LRRIQ1: variants seen among roughly 807,000 people sequenced by gnomAD.
The protein encoded by LRRIQ1 is leucine-rich repeat- and IQ domain-containing protein 1.
Under a neutral mutation model 211.9 loss-of-function variants are expected in LRRIQ1, and 210 were observed. The ratio of observed to expected loss-of-function variants is 0.99; its 90% confidence interval spans 0.89 to 1.11. The LOEUF (loss-of-function observed/expected upper bound fraction) is 1.11, where lower values mean the gene tolerates loss of function less well. LRRIQ1 is among the 50% of genes most tolerant of loss of function. The pLI, the probability that LRRIQ1 is intolerant of heterozygous loss-of-function variation, is 0.00. For missense variants in LRRIQ1, 2,136 were observed against 1,939.5 expected (o/e 1.10, Z -1.90); for synonymous variants, 699 against 650.1 (o/e 1.08, Z -1.14).
At chr12:85,197,184 G>A (rs1358908714) in intron 24 of LRRIQ1, among the ~76,000 whole-genome samples, 1 of 152,168 alleles carries the variant, frequency 6.6e-6, no homozygotes, top group Non-Finnish European at 1.5e-5. Context: ...AACAACAGGT[G>A]CTGGAGAGGA....
At chr12:85,098,663 T>C (rs1297187089) in intron 12 of LRRIQ1, 115 bp downstream of exon 12, 2 of 859,038 alleles carry the variant, frequency 2.3e-6, no homozygotes, top group Non-Finnish European at 3.5e-6. Context: ...TTTTTCACCA[T>C]GAAGTAACCT....
intron 10 of LRRIQ1, among the ~76,000 whole-genome samples, chr12:85,070,168 A>C (rs921827065): frequency 1.3e-5 from 2 of 151,956 alleles, no homozygotes; most frequent in Admixed American, 1.3e-4. Context: ...CTTTGGCGGG[A>C]ATTCTTCATA....
intron 14 of LRRIQ1, among the ~76,000 whole-genome samples, chr12:85,105,031 G>A (rs966075279): frequency 3.8e-4 from 58 of 151,976 alleles, no homozygotes; most frequent in African/African-American, 1.4e-3. Context: ...GTTTATTGGT[G>A]ATTTTTGCAC....
intron 11 of LRRIQ1, among the ~76,000 whole-genome samples, chr12:85,074,168 A>C (rs527940927): frequency 6.6e-6 from 1 of 152,088 alleles, no homozygotes; most frequent in Admixed American, 6.6e-5. Flanking sequence ...GTGAATGAGA[A>C]TAGTGAATGT....
chr12:85,207,394 T>G (rs1484220036), intron 24 of LRRIQ1, among the ~76,000 whole-genome samples: 2 of 152,114 alleles, frequency 1.3e-5, no homozygotes, highest in Admixed American at 1.3e-4. Context: ...TATTATTGAG[T>G]TTTAAGAGTA....
At position 85,137,832 on chromosome 12, in the gene LRRIQ1, C is replaced by G. The variant is rs1394647268; in HGVS notation, c.4210-18C>G. The G allele has an allele frequency of 6.4e-7, 1 of 1,569,248 alleles. No homozygotes were observed. The highest frequency in any genetic ancestry group is 8.6e-7 in the Non-Finnish European group (1 of 1,162,878). The stretch of plus-strand genomic sequence containing the variant: ...TTGATCTATAACTTTGTATAACATA[C>G]TTTACATTTTTGTTTAGGCAGTTTG... On this transcript the variant is annotated intron_variant, in intron 18 of 26. Transcript: ENST00000393217.
At chr12:85,228,469 G>A (rs1272433389) in intron 24 of LRRIQ1, among the ~76,000 whole-genome samples, 1 of 152,134 alleles carries the variant, frequency 6.6e-6, no homozygotes, top group Non-Finnish European at 1.5e-5. Context: ...GAAACATAAG[G>A]TCGCATAAGA....
intron 11 of LRRIQ1, among the ~76,000 whole-genome samples, chr12:85,097,575 A>G (rs1885998614): frequency 6.6e-6 from 1 of 152,172 alleles, no homozygotes; most frequent in East Asian, 1.9e-4. Flanking sequence ...ATGTCCCTAC[A>G]AAGGACATGA....
intron 24 of LRRIQ1, among the ~76,000 whole-genome samples, chr12:85,225,836 G>C (rs1365196924): frequency 6.6e-6 from 1 of 152,138 alleles, no homozygotes; most frequent in African/African-American, 2.4e-5. Context: ...CTAAAAGAAG[G>C]ACTTCTGAAG....
Position 85,141,477 on chromosome 12 carries a change from C to T in LRRIQ1, c.4329+3508C>T, listed in dbSNP as rs551795062. Among the ~76,000 whole-genome samples the T allele has an allele frequency of 4.6e-5, 7 of 150,810 alleles. No homozygotes were observed. The South Asian group carries it at 1.2e-3, about 27-fold the overall frequency. ...TTTAAGGCTAGTTGAATTATTGTAT[C>T]GCTGAACCTCTTATAATAATATTTT... is the stretch of plus-strand genomic sequence containing the variant. On this transcript the variant is annotated intron_variant, in intron 19 of 26. Transcript: ENST00000393217.
chr12:85,111,214 C>G (rs2136348943), intron 15 of LRRIQ1, among the ~76,000 whole-genome samples: 1 of 152,024 alleles, frequency 6.6e-6, no homozygotes, highest in East Asian at 1.9e-4. Context: ...CTTTTGTAAG[C>G]TAGTGGATTG....
At chr12:85,237,658 G>A (rs899588672) in intron 26 of LRRIQ1, among the ~76,000 whole-genome samples, 1 of 152,070 alleles carries the variant, frequency 6.6e-6, no homozygotes, top group African/African-American at 2.4e-5. Flanking sequence ...TTAAGACCAT[G>A]TAAAGTTAAA....
At chr12:85,260,348 C>T (rs1362310725) in intron 1 of LRRIQ1, among the ~76,000 whole-genome samples, 1 of 151,768 alleles carries the variant, frequency 6.6e-6, no homozygotes, top group Non-Finnish European at 1.5e-5. Context: ...ACCCTGAAGA[C>T]ATCTTTATAC....
chr12:85,107,070 T>C (rs996404558), intron 15 of LRRIQ1, among the ~76,000 whole-genome samples: 2 of 152,088 alleles, frequency 1.3e-5, no homozygotes, highest in African/African-American at 4.8e-5. Context: ...AAATTCTTGC[T>C]CCTCTTTGGA....
chr12:85,256,676 A>G (rs185339168), intron 1 of LRRIQ1, among the ~76,000 whole-genome samples: 2 of 151,750 alleles, frequency 1.3e-5, no homozygotes, highest in Non-Finnish European at 3.0e-5. Flanking sequence ...GATGGTAAAG[A>G]TGAAATTAAG....
intron 9 of LRRIQ1, 77 bp downstream of exon 9, chr12:85,065,491 C>T (rs1882338740): frequency 3.3e-6 from 4 of 1,194,114 alleles, no homozygotes; most frequent in East Asian, 2.9e-5. Context: ...CAGAAATGAC[C>T]CTTTTGAAGA....
At chr12:85,258,034 G>A (rs547605542) in intron 1 of LRRIQ1, among the ~76,000 whole-genome samples, 1 of 151,654 alleles carries the variant, frequency 6.6e-6, no homozygotes, top group East Asian at 1.9e-4. Context: ...TAAATAAACA[G>A]GCAAAATACA....
In LRRIQ1 at chr12:85,212,759, C is replaced by T. The variant is rs147412849; in HGVS notation, c.4823-16758C>T. Among the ~76,000 whole-genome samples, 348 of 145,770 alleles carry T rather than the reference C, an allele frequency of 2.4e-3. 4 individuals are homozygous for T. The highest frequency in any genetic ancestry group is 8.0e-3 in the African/African-American group (319 of 39,670). Reference sequence around the variant, plus strand: ...AAATATATGGAATATATTTATAATACGTATCGAATATATATTTTATATATA... The same window carrying T: ...AAATATATGGAATATATTTATAATATGTATCGAATATATATTTTATATATA... On this transcript the variant is annotated intron_variant, in intron 24 of 26. Transcript: ENST00000393217.
At chr12:85,071,711 A>G (rs1287148229) in intron 10 of LRRIQ1, among the ~76,000 whole-genome samples, 2 of 152,068 alleles carry the variant, frequency 1.3e-5, no homozygotes, top group Non-Finnish European at 1.5e-5. Flanking sequence ...TGGGGCCTCA[A>G]AATCATGGAG....
Sources: gnomAD v4.1 joint callset for allele counts (sites outside exome capture counted in the v4.1 genomes callset) on GRCh38, gnomAD v4.1.1 for gene constraint, MANE v1.5 for transcripts, NCBI Gene and HGNC (gene_info 2026-07-23, HGNC 2026-07-21) for gene names.